The following TBXAS1 variants were observed in gnomAD, a reference collection of about 807,000 sequenced individuals.
TBXAS1 encodes thromboxane A synthase 1.
In TBXAS1, 48 loss-of-function variants were observed where a neutral mutation model predicts 60.7. That is an observed-to-expected ratio of 0.79 (90% CI 0.63 to 1.01). The LOEUF is 1.01. Ranked by LOEUF, TBXAS1 falls within the 50% of genes least tolerant of loss-of-function variation. The probability of loss-of-function intolerance (pLI) is 0.00; values close to 1 mark genes in which losing one functional copy is unlikely to be tolerated. For synonymous variants in TBXAS1, 287 were observed against 269.7 expected (o/e 1.06, Z -0.63); for missense variants, 685 against 686.3 (o/e 1.00, Z 0.02).
intron 1 of TBXAS1, among the ~76,000 whole-genome samples, chr7:139,858,151 G>C (rs1331292958): frequency 2.6e-5 from 4 of 152,176 alleles, no homozygotes; most frequent in African/African-American, 9.7e-5. Context: ...TCAACCCCAT[G>C]CTCACTCTGC....
intron 10 of TBXAS1, among the ~76,000 whole-genome samples, chr7:140,011,341 A>G (rs1814599094): frequency 1.0e-4 from 1 of 9,808 alleles, no homozygotes; most frequent in Non-Finnish European, 2.0e-4. Flanking sequence ...ATAAAAAAAA[A>G]AGAAAAAAAA....
At chr7:139,841,893 T>C (rs1018352654) in intron 1 of TBXAS1, among the ~76,000 whole-genome samples, 9 of 152,226 alleles carry the variant, frequency 5.9e-5, no homozygotes, top group South Asian at 2.1e-4. Context: ...TGGCACTTGG[T>C]GCTTAGATGT....
At chr7:139,938,583 A>G (rs767535077) in intron 5 of TBXAS1, among the ~76,000 whole-genome samples, 2 of 152,160 alleles carry the variant, frequency 1.3e-5, no homozygotes, top group Non-Finnish European at 2.9e-5. Context: ...GCTCTAAACC[A>G]TGTAGACTAG....
intron 4 of TBXAS1, among the ~76,000 whole-genome samples, chr7:139,804,377 A>G (rs1797791634): frequency 6.6e-6 from 1 of 152,196 alleles, no homozygotes; most frequent in Non-Finnish European, 1.5e-5. Flanking sequence ...GGAAATAACT[A>G]ACTTGCCTTT....
chr7:139,998,797 C>T (rs78492944), intron 9 of TBXAS1, among the ~76,000 whole-genome samples: 2,586 of 152,276 alleles, frequency 0.017, 82 homozygotes, highest in African/African-American at 0.059. Flanking sequence ...TGTTTGTGTG[C>T]GCACGCAGCC....
intron 4 of TBXAS1, among the ~76,000 whole-genome samples, chr7:139,816,667 T>C (rs768971858): frequency 1.3e-5 from 2 of 152,210 alleles, no homozygotes; most frequent in Non-Finnish European, 2.9e-5. Flanking sequence ...AATCAGAAAC[T>C]CTGGCAATGG....
intron 3 of TBXAS1, among the ~76,000 whole-genome samples, chr7:139,898,081 A>G (rs2267696): frequency 0.43 from 64,972 of 152,044 alleles, 14,269 homozygotes; most frequent in South Asian, 0.53. Context: ...CCTGTGAGTC[A>G]AATGCCCAGG....
intron 9 of TBXAS1, among the ~76,000 whole-genome samples, chr7:140,005,246 T>C (rs1813981553): frequency 6.6e-6 from 1 of 152,150 alleles, no homozygotes; most frequent in African/African-American, 2.4e-5. Context: ...CTGGCCAACA[T>C]GGTGAAACCC....
At chr7:139,954,555 T>C (rs1027280506) in intron 6 of TBXAS1, among the ~76,000 whole-genome samples, 3 of 152,246 alleles carry the variant, frequency 2.0e-5, no homozygotes, top group Non-Finnish European at 4.4e-5. Flanking sequence ...TTAGTGGTTA[T>C]AGAATTCATG....
At position 139,796,742 on chromosome 7, in the gene TBXAS1, A is replaced by G. The variant is rs1391983915; in HGVS notation, c.-80+9316A>G. Among the ~76,000 whole-genome samples the G allele has an allele frequency of 2.0e-5, 3 of 152,234 alleles. No individual in the cohort carries two copies. The East Asian group carries it at 5.8e-4, about 29-fold the overall frequency. On this transcript the variant is annotated intron_variant, in intron 4 of 16. Transcript: ENST00000336425. The stretch of plus-strand genomic sequence containing the variant: ...GGAAACTGGAAGGAGGGCCAGGTTT[A>G]TATGGAAATGCTGTTTTCTGCTCAT...
At chr7:139,835,249 T>A (rs1798985212) in intron 1 of TBXAS1, among the ~76,000 whole-genome samples, 1 of 152,056 alleles carries the variant, frequency 6.6e-6, no homozygotes, top group Non-Finnish European at 1.5e-5. Context: ...GTATTTTTTT[T>A]AGTAGAGATG....
intron 9 of TBXAS1, 187 bp downstream of exon 9, chr7:139,962,420 A>T: frequency 1.4e-6 from 1 of 693,120 alleles, no homozygotes; most frequent in Non-Finnish European, 2.4e-6. Flanking sequence ...GTTGAGAACA[A>T]TAACCACAAC....
intron 4 of TBXAS1, among the ~76,000 whole-genome samples, chr7:139,812,423 C>T (rs1798041279): frequency 6.6e-6 from 1 of 152,152 alleles, no homozygotes; most frequent in African/African-American, 2.4e-5. Context: ...TCTCTGTTAC[C>T]AAAGTAATAC....
rs8192840 is a variant in TBXAS1, at chr7:139,969,592, GA to G, written c.1134+7369del. Among the ~76,000 whole-genome samples the G allele has an allele frequency of 6.1e-3, 921 of 150,038 alleles. 11 individuals are homozygous for G. Among genetic ancestry groups the G allele is most frequent in the African/African-American group, 0.019 (795 of 40,972 alleles). ...TTAACACAAATCTATCCTCACTATG[GA>G]AAAAAAAAATGTCTTCCCATGTGGA... On this transcript the variant is annotated intron_variant, in intron 9 of 12. Transcript: ENST00000448866.
chr7:140,006,994 C>T, intron 9 of TBXAS1, 97 bp from the exon 10 acceptor site: 1 of 1,229,400 alleles, frequency 8.1e-7, no homozygotes, highest in Admixed American at 1.7e-5. Flanking sequence ...AAATGTTTGC[C>T]AAAGTTGGAA....
chr7:139,999,485 T>C lies in TBXAS1; in HGVS notation c.1135-7606T>C, dbSNP rs557785149. ...GTTGCAGTGAGCCGAGATTGTACCA[T>C]TGCACTCCAGCCTGGGGGATAGAGC... On this transcript the variant is annotated intron_variant, in intron 9 of 12. Coordinates refer to ENST00000448866, the MANE Select transcript of TBXAS1 (RefSeq NM_001061.7). The surrounding 1 kb of genome is among the most constrained non-coding windows in gnomAD (Gnocchi z 4.3). Among the ~76,000 whole-genome samples the C allele has an allele frequency of 9.2e-5, 14 of 152,234 alleles. No individual in the cohort carries two copies. The highest frequency in any genetic ancestry group is 2.2e-4 in the African/African-American group (9 of 41,528).
chr7:139,959,543 G>T (rs1028419533), intron 8 of TBXAS1, among the ~76,000 whole-genome samples: 3 of 152,184 alleles, frequency 2.0e-5, no homozygotes, highest in African/African-American at 7.2e-5. Flanking sequence ...CTTCTCCAGT[G>T]CACGGGCCCT....
intron 4 of TBXAS1, among the ~76,000 whole-genome samples, chr7:139,927,422 T>G (rs986115052): frequency 3.9e-5 from 6 of 152,246 alleles, no homozygotes; most frequent in African/African-American, 1.4e-4. Flanking sequence ...ATAAAAACTC[T>G]ACGCTTTAAC....
intron 3 of TBXAS1, among the ~76,000 whole-genome samples, chr7:139,889,515 C>G (rs1270211883): frequency 6.6e-6 from 1 of 152,106 alleles, no homozygotes; most frequent in Non-Finnish European, 1.5e-5. Context: ...GGAGCTTGTC[C>G]TCATCCTCAT....
Sources: gnomAD v4.1 joint callset for allele counts (sites outside exome capture counted in the v4.1 genomes callset) on GRCh38, gnomAD v4.1.1 for gene constraint, Gnocchi (gnomAD v3.1) non-coding constraint, MANE v1.5 for transcripts, NCBI Gene and HGNC (gene_info 2026-07-23, HGNC 2026-07-21) for gene names.